EPHB2: variants seen among roughly 807,000 people sequenced by gnomAD.
EPHB2 encodes the protein EPH receptor B2, also known as ephrin type-B receptor 2.
Under a neutral mutation model 96.4 loss-of-function variants are expected in EPHB2, and 18 were observed. The ratio of observed to expected loss-of-function variants is 0.19; its 90% CI spans 0.13 to 0.28. The LOEUF (loss-of-function observed/expected upper bound fraction) is 0.28, where lower values mean the gene tolerates loss of function less well. EPHB2 is among the 10% of genes least tolerant of loss of function. The pLI is 1.00. For synonymous variants in EPHB2, 506 were observed against 534.1 expected, an observed-to-expected ratio of 0.95 and a Z score of 0.72; for missense variants, 989 against 1,355.4, an observed-to-expected ratio of 0.73 and a Z score of 4.25.
chr1:22,817,438 C>A (rs1343274233), intron 3 of EPHB2, among the ~76,000 whole-genome samples: 4 of 152,330 alleles, frequency 2.6e-5, no homozygotes, highest in South Asian at 4.1e-4. Flanking sequence ...AGAGCCCATG[C>A]CTGCTGCTGG....
chr1:22,832,101 A>G (rs968743953), intron 3 of EPHB2, among the ~76,000 whole-genome samples: 2 of 152,148 alleles, frequency 1.3e-5, no homozygotes, highest in African/African-American at 2.4e-5. Context: ...GAATAGGGAG[A>G]GCGATGGAGA....
At chr1:22,896,263 G>A in intron 8 of EPHB2, 151 bp from the exon 9 acceptor site, 1 of 836,424 alleles carries the variant, frequency 1.2e-6, no homozygotes, top group Non-Finnish European at 1.9e-6. Flanking sequence ...GGAGTGGGAA[G>A]GGACAAGTGG....
chr1:22,718,379 CTTTTTTTT>C (rs5773014), intron 1 of EPHB2, among the ~76,000 whole-genome samples: 1 of 81,466 alleles, frequency 1.2e-5, no homozygotes, highest in African/African-American at 4.4e-5. Flanking sequence ...GCTGTCAATT[CTTTTTTTT>C]TTTTTTTTTT....
rs182177998 is a variant in EPHB2 at position 22,895,672 on chromosome 1, G to A, written c.1700+92G>A. On this transcript the variant is annotated intron_variant, in intron 8 of 15. Coordinates refer to ENST00000374630, the MANE Select transcript of EPHB2 (RefSeq NM_017449.5). The stretch of plus-strand genomic sequence containing the variant: ...CATCCCTCTACAGTGCTGGTGAACC[G>A]AGGAGGCATTCTCACAATTGCAGGG... 1,468 of 1,204,168 alleles carry A rather than the reference G, an allele frequency of 1.2e-3. 23 individuals carry two copies. The highest frequency in any genetic ancestry group is 6.0e-4 in the Middle Eastern group (3 of 4,964). The allele number at this position is 1,204,168 out of a possible 1,614,324, so 74.6% of individuals were successfully genotyped here. A position where few individuals can be genotyped will look rare whatever the true frequency, so the allele number is the denominator to read the frequency against.
intron 1 of EPHB2, among the ~76,000 whole-genome samples, chr1:22,779,086 C>T (rs1644492537): frequency 6.6e-6 from 1 of 152,200 alleles, no homozygotes; most frequent in Admixed American, 6.5e-5. Context: ...TCCCTGGGCC[C>T]AGGCAGAGAG....
intron 1 of EPHB2, among the ~76,000 whole-genome samples, chr1:22,755,117 T>C (rs1013841945): frequency 2.0e-5 from 3 of 152,070 alleles, no homozygotes; most frequent in African/African-American, 7.3e-5. Flanking sequence ...GACTTTCTCT[T>C]TGAGGGATCA....
chr1:22,918,595 T>C lies in EPHB2; in HGVS notation c.*5025T>C, dbSNP rs1270407413. The C allele has an allele frequency of 6.6e-6, 1 of 152,244 alleles. No individual in the cohort carries two copies. The highest frequency in any genetic ancestry group is 1.5e-5 in the Non-Finnish European group (1 of 68,044). 9.4% of individuals were successfully genotyped at this position (152,244 alleles called of 1,614,324 possible). A position where few individuals can be genotyped will look rare whatever the true frequency, so the allele number is the denominator to read the frequency against. On this transcript the variant is annotated 3_prime_UTR_variant, in exon 16 of 16. Transcript: ENST00000374630. The surrounding 1 kb of genome is among the most constrained non-coding windows in gnomAD (Gnocchi z 4.2). ...CCCCACTGTGCTGTGTGATGCTACA[T>C]ACGCATGCGAATACACCACCGGGTG...
chr1:22,821,993 C>T (rs1645158837), intron 3 of EPHB2, among the ~76,000 whole-genome samples: 1 of 152,156 alleles, frequency 6.6e-6, no homozygotes, highest in Non-Finnish European at 1.5e-5. Context: ...AAACTAAGGT[C>T]CTTGGATGAT....
At chr1:22,878,472 T>G (rs1047265749) in intron 5 of EPHB2, among the ~76,000 whole-genome samples, 2 of 152,238 alleles carry the variant, frequency 1.3e-5, no homozygotes, top group African/African-American at 4.8e-5. Context: ...GCTGTGAGGT[T>G]CCTCTCCGGA....
intron 5 of EPHB2, among the ~76,000 whole-genome samples, chr1:22,877,643 G>C (rs1638886388): frequency 6.6e-6 from 1 of 152,204 alleles, no homozygotes; most frequent in African/African-American, 2.4e-5. Flanking sequence ...GCAGGTGAGG[G>C]GGGCAGGCTC....
chr1:22,857,692 T>C (rs2148516485), intron 3 of EPHB2, among the ~76,000 whole-genome samples: 1 of 152,234 alleles, frequency 6.6e-6, no homozygotes, highest in Admixed American at 6.5e-5. Flanking sequence ...AGCCTGATGA[T>C]GGGCTGGCAA....
At chr1:22,847,629 G>A (rs533307756) in intron 3 of EPHB2, among the ~76,000 whole-genome samples, 4 of 152,316 alleles carry the variant, frequency 2.6e-5, no homozygotes, top group Admixed American at 6.5e-5. Context: ...TGGAGGAAAG[G>A]GCTGAGGGCA....
At chr1:22,738,463 G>A (rs931433664) in intron 1 of EPHB2, among the ~76,000 whole-genome samples, 1 of 152,160 alleles carries the variant, frequency 6.6e-6, no homozygotes, top group Non-Finnish European at 1.5e-5. Context: ...GACCCCCTGT[G>A]GTAGGTACTG....
rs1023134906 is a variant in EPHB2 at position 22,912,434 on chromosome 1, C to G, written c.2697-10C>G. 5 of 1,613,812 alleles carry G rather than the reference C, an allele frequency of 3.1e-6. No individual in the cohort carries two copies. Among genetic ancestry groups the G allele is most frequent in the Non-Finnish European group, 3.4e-6 (4 of 1,180,032 alleles). On this transcript the variant is annotated splice_polypyrimidine_tract_variant and intron_variant, in intron 14 of 15. Coordinates refer to ENST00000374630, the MANE Select transcript of EPHB2 (RefSeq NM_017449.5). ...CCCTGACCATCTCTGTCGCCCACCC[C>G]CAACCCCAGCATCAACCTGCCGCTG...
rs541860820 is a variant in EPHB2, at chr1:22,839,959, G to A, written c.812-23078G>A. 2.0e-4 allele frequency among the ~76,000 whole-genome samples: 30 copies of A among 152,298 alleles called. 1 individual carries two copies. The South Asian group carries it at 6.0e-3, about 31-fold the overall frequency. Reference sequence around the variant, plus strand: ...TAACATAGGTCTAGGCTGGGAGCCCGGATAGGGCAGGGACTGGATCTCATT... The same window carrying A: ...TAACATAGGTCTAGGCTGGGAGCCCAGATAGGGCAGGGACTGGATCTCATT... On this transcript the variant is annotated intron_variant, in intron 3 of 15. Coordinates refer to ENST00000374630, the MANE Select transcript of EPHB2 (RefSeq NM_017449.5).
intron 1 of EPHB2, among the ~76,000 whole-genome samples, chr1:22,760,906 C>T (rs1324660716): frequency 1.3e-5 from 2 of 152,140 alleles, no homozygotes; most frequent in Admixed American, 6.5e-5. Flanking sequence ...AAGGAAGATC[C>T]CATTTTTCCA....
chr1:22,726,913 G>T (rs1643593946), intron 1 of EPHB2, among the ~76,000 whole-genome samples: 1 of 152,164 alleles, frequency 6.6e-6, no homozygotes, highest in African/African-American at 2.4e-5. Context: ...ATACATAGTA[G>T]ATGGAAAGAA....
intron 1 of EPHB2, among the ~76,000 whole-genome samples, chr1:22,770,079 A>G (rs1393347173): frequency 1.3e-5 from 2 of 152,018 alleles, no homozygotes; most frequent in Non-Finnish European, 2.9e-5. Flanking sequence ...GGGTGATTTG[A>G]CGAATAGATG....
At chr1:22,750,450 C>T (rs552019546) in intron 1 of EPHB2, among the ~76,000 whole-genome samples, 98 of 152,328 alleles carry the variant, frequency 6.4e-4, no homozygotes, top group Admixed American at 2.2e-3. Flanking sequence ...ACATGAGTGT[C>T]AGACGGAGCA....
Sources: allele counts gnomAD v4.1 joint callset (sites outside exome capture counted in the v4.1 genomes callset), GRCh38; gene constraint gnomAD v4.1.1; non-coding constraint Gnocchi (gnomAD v3.1); transcripts MANE v1.5; gene names NCBI Gene and HGNC (gene_info 2026-07-23, HGNC 2026-07-21).